Variants in WWTR1 observed in about 807,000 individuals in gnomAD.
WWTR1 encodes the protein WW domain-containing transcription regulator protein 1.
WWTR1 carries 13 observed loss-of-function variants against 40.1 expected under a neutral mutation model. The ratio of observed to expected loss-of-function variants is 0.32; its 90% CI spans 0.21 to 0.52. WWTR1 has a LOEUF of 0.52. Ranked by LOEUF, WWTR1 falls within the 20% of genes least tolerant of loss-of-function variation. The pLI is 0.97. For synonymous variants in WWTR1, 230 were observed against 210.1 expected (o/e 1.09, Z -0.82); for missense variants, 436 against 523.1 (o/e 0.83, Z 1.63).
intron 2 of WWTR1, among the ~76,000 whole-genome samples, chr3:149,596,391 T>C (rs1403014730): frequency 6.6e-6 from 1 of 152,214 alleles, no homozygotes; most frequent in Non-Finnish European, 1.5e-5. Flanking sequence ...TCTAATTCCC[T>C]TGCTGGGCAC....
intron 2 of WWTR1, among the ~76,000 whole-genome samples, chr3:149,590,998 GCTT>G (rs1738690461): frequency 7.6e-6 from 1 of 131,852 alleles, no homozygotes. Flanking sequence ...GCAAAACTTA[GCTT>G]TTTTTTTTTT....
At position 149,657,046 on chromosome 3, in the gene WWTR1, C is replaced by T; in HGVS notation, c.261G>A (p.Ser87=). The T allele has an allele frequency of 1.3e-6, 2 of 1,577,738 alleles. No individual in the cohort carries two copies. Among genetic ancestry groups the T allele is most frequent in the Admixed American group, 1.8e-5 (1 of 55,132 alleles). ...GCTGCAGGGACGCGGGCGACGAGTG[C>T]GAGCGGACATGCTGGGCACCCCCAG... The part of the protein sequence containing the change: ...RLAGGAQHVR[S]HSSPASLQLG... The change falls in exon 2 of 7, where the codon TCG becomes TCA. Residue 87 remains serine, a synonymous_variant. Coordinates refer to ENST00000360632, the MANE Select transcript of WWTR1 (RefSeq NM_015472.6).
chr3:149,568,730 C>T (rs1737472579), intron 3 of WWTR1, among the ~76,000 whole-genome samples: 1 of 152,132 alleles, frequency 6.6e-6, no homozygotes, highest in African/African-American at 2.4e-5. Flanking sequence ...GTTTGATTTA[C>T]AAGTCGCATT....
chr3:149,679,500 CAA>C (rs1297930320), intron 1 of WWTR1, among the ~76,000 whole-genome samples: 2 of 152,054 alleles, frequency 1.3e-5, no homozygotes, highest in Non-Finnish European at 2.9e-5. Context: ...ATAGTAAACA[CAA>C]GAGGAATTTA....
At chr3:149,595,294 T>C (rs1459216167) in intron 2 of WWTR1, among the ~76,000 whole-genome samples, 1 of 152,108 alleles carries the variant, frequency 6.6e-6, no homozygotes, top group African/African-American at 2.4e-5. Flanking sequence ...AGGTTAACAA[T>C]TGCTGAACCT....
In WWTR1 at chr3:149,526,128, G is replaced by C. The variant is rs753563454; in HGVS notation, c.906-3C>G. On this transcript the variant is annotated splice_polypyrimidine_tract_variant and splice_region_variant and intron_variant, in intron 5 of 6. Coordinates refer to ENST00000360632, the MANE Select transcript of WWTR1 (RefSeq NM_015472.6). ...GCTCCCTCGAATGATATGGCCCTCT[G>C]CAAAGCAAAAGATGAAGAAACTTCA... The C allele has an allele frequency of 8.2e-6, 13 of 1,583,808 alleles. No individual in the cohort carries two copies. The highest frequency in any genetic ancestry group is 1.4e-5 in the African/African-American group (1 of 73,292).
chr3:149,610,198 TA>T (rs1392077184), intron 2 of WWTR1, among the ~76,000 whole-genome samples: 3 of 152,222 alleles, frequency 2.0e-5, no homozygotes, highest in Non-Finnish European at 2.9e-5. Context: ...ATAATATCCA[TA>T]CTTAAATTTT....
intron 2 of WWTR1, among the ~76,000 whole-genome samples, chr3:149,603,809 T>C (rs1400095701): frequency 8.4e-6 from 1 of 118,402 alleles, no homozygotes; most frequent in East Asian, 2.3e-4. Flanking sequence ...TAAGATAATG[T>C]CAATGAAAAA....
chr3:149,723,681 T>C (rs1475832126), intron 4 of WWTR1, among the ~76,000 whole-genome samples: 3 of 152,306 alleles, frequency 2.0e-5, no homozygotes, highest in African/African-American at 7.2e-5. Context: ...CAATATCTAG[T>C]TCCTAAAAGG....
chr3:149,648,320 C>A (rs1315997851), intron 2 of WWTR1, among the ~76,000 whole-genome samples: 1 of 152,166 alleles, frequency 6.6e-6, no homozygotes, highest in African/African-American at 2.4e-5. Flanking sequence ...GGATTCCTTT[C>A]GAACACCTAC....
At chr3:149,691,994 T>C (rs542231438) in intron 1 of WWTR1, among the ~76,000 whole-genome samples, 2 of 151,818 alleles carry the variant, frequency 1.3e-5, no homozygotes, top group South Asian at 2.1e-4. Flanking sequence ...CCAGCCTGGG[T>C]GACAGAGCGA....
Position 149,563,623 on chromosome 3 carries a change from T to C in WWTR1, c.568+9241A>G, listed in dbSNP as rs1258676897. Among the ~76,000 whole-genome samples, 4 of 152,182 alleles carry C rather than the reference T, an allele frequency of 2.6e-5. No homozygotes were observed. The East Asian group carries it at 7.7e-4, about 29-fold the overall frequency. On this transcript the variant is annotated intron_variant, in intron 3 of 6. Transcript: ENST00000360632. ...TTCAGACAAAGAATCAGTTAAAAAG[T>C]TGGTGGGCATACTCCAAGTCCTTTT...
At chr3:149,712,530 T>C (rs1715499383) in intron 5 of WWTR1, among the ~76,000 whole-genome samples, 1 of 152,316 alleles carries the variant, frequency 6.6e-6, no homozygotes, top group South Asian at 2.1e-4. Context: ...ACTTTTTCAC[T>C]AAACTGGATG....
At chr3:149,615,238 A>C (rs1318884476) in intron 2 of WWTR1, among the ~76,000 whole-genome samples, 2 of 152,236 alleles carry the variant, frequency 1.3e-5, no homozygotes, top group Non-Finnish European at 2.9e-5. Flanking sequence ...TTCAGCTCTG[A>C]AAATTGCATT....
chr3:149,703,129 T>C (rs959751852), exon 1 of WWTR1: 1 of 152,278 alleles, frequency 6.6e-6, no homozygotes, highest in Non-Finnish European at 1.5e-5. Flanking sequence ...CCTACCAAAA[T>C]AGATACTGAA....
intron 2 of WWTR1, among the ~76,000 whole-genome samples, chr3:149,584,422 T>C (rs1738309479): frequency 6.6e-6 from 1 of 152,186 alleles, no homozygotes; most frequent in South Asian, 2.1e-4. Context: ...TTTTTGCACA[T>C]GTTTGAAAGG....
intron 4 of WWTR1, among the ~76,000 whole-genome samples, chr3:149,540,610 T>C (rs988992421): frequency 2.0e-5 from 3 of 152,182 alleles, no homozygotes; most frequent in African/African-American, 7.2e-5. Context: ...AAAATTATTA[T>C]TCAAAGACAG....
rs537099779 is a variant in WWTR1, at chr3:149,615,591, C to T, written c.431+41285G>A. ...TTGCTCCAATTACGAATCAGTATTT[C>T]GTACCCAGTGCACAAATAATTAAGC... On this transcript the variant is annotated intron_variant, in intron 2 of 6. Transcript: ENST00000360632. 7.2e-5 allele frequency among the ~76,000 whole-genome samples: 11 copies of T among 152,316 alleles called. No homozygotes were observed. The East Asian group carries it at 7.7e-4, about 11-fold the overall frequency.
chr3:149,524,436 G>A (rs1469717433), intron 6 of WWTR1, among the ~76,000 whole-genome samples: 3 of 148,896 alleles, frequency 2.0e-5, no homozygotes, highest in Non-Finnish European at 4.4e-5. Flanking sequence ...GAAGATGAAA[G>A]TAAAGAATTA....
Sources: gnomAD v4.1 joint callset for allele counts (sites outside exome capture counted in the v4.1 genomes callset) on GRCh38, gnomAD v4.1.1 for gene constraint, MANE v1.5 for transcripts, NCBI Gene and HGNC (gene_info 2026-07-23, HGNC 2026-07-21) for gene names.